PRKCA: variants seen among roughly 807,000 people sequenced by gnomAD.
PRKCA encodes the protein protein kinase C alpha type.
PRKCA carries 27 observed loss-of-function variants against 87.0 expected under a neutral mutation model. The ratio of observed to expected loss-of-function variants is 0.31; its 90% CI spans 0.23 to 0.43. The LOEUF (loss-of-function observed/expected upper bound fraction) is 0.43, where lower values mean the gene tolerates loss of function less well. Among genes scored for constraint, PRKCA ranks in the 20% least tolerant of loss-of-function variants. The pLI is 1.00. For missense variants in PRKCA, 518 were observed against 852.3 expected (o/e 0.61, Z 4.88); for synonymous variants, 329 against 311.1 (o/e 1.06, Z -0.61).
chr17:66,650,980 G>C (rs1380333225), intron 5 of PRKCA, among the ~76,000 whole-genome samples: 1 of 152,164 alleles, frequency 6.6e-6, no homozygotes, highest in African/African-American at 2.4e-5. Flanking sequence ...TGTGGTCTTT[G>C]GGGGAGAATT....
chr17:66,354,558 A>G (rs1283346263), intron 2 of PRKCA, among the ~76,000 whole-genome samples: 1 of 152,182 alleles, frequency 6.6e-6, no homozygotes, highest in East Asian at 1.9e-4. Flanking sequence ...GTTGCCGTCT[A>G]AGGTCCTGGA....
Position 66,379,311 on chromosome 17 carries a change from A to T in PRKCA, c.205+73184A>T, listed in dbSNP as rs73324194. Among the ~76,000 whole-genome samples the T allele has an allele frequency of 2.8e-3, 420 of 152,306 alleles. 4 individuals are homozygous for T. Among genetic ancestry groups the T allele is most frequent in the African/African-American group, 9.5e-3 (396 of 41,554 alleles). On this transcript the variant is annotated intron_variant, in intron 2 of 16. Transcript: ENST00000413366. ...TTCATGTTTCTCCACATCTTCACCA[A>T]CATTTATTGTTCATCCTTTTTATTT...
chr17:66,390,459 T>A (rs1423127319), intron 2 of PRKCA, among the ~76,000 whole-genome samples: 1 of 152,208 alleles, frequency 6.6e-6, no homozygotes, highest in Non-Finnish European at 1.5e-5. Context: ...TTTTGTTTTT[T>A]AAGAAACACT....
intron 2 of PRKCA, among the ~76,000 whole-genome samples, chr17:66,452,125 A>G (rs4082896): frequency 0.47 from 71,483 of 152,078 alleles, 17,887 homozygotes; most frequent in African/African-American, 0.64. Context: ...GCGAACCAAG[A>G]CATCAGGTGA....
intron 5 of PRKCA, 143 bp from the exon 6 acceptor site, chr17:66,686,968 T>A: frequency 1.4e-6 from 1 of 708,026 alleles, no homozygotes. Context: ...TCATGTCGAG[T>A]GTTAGAGGCT....
Position 66,795,565 on chromosome 17 carries a change from T to G in PRKCA, c.1854+6586T>G, listed in dbSNP as rs771438566. 2.0e-5 allele frequency among the ~76,000 whole-genome samples: 3 copies of G among 152,222 alleles called. 1 individual carries two copies. The highest frequency in any genetic ancestry group is 4.4e-5 in the Non-Finnish European group (3 of 68,048). On this transcript the variant is annotated intron_variant, in intron 16 of 16. Transcript: ENST00000413366. The stretch of plus-strand genomic sequence containing the variant: ...ATTACTCTCTCAAATACTTTTCTGC[T>G]TAGCAGAGAAATTGGAAGAAATGAG...
chr17:66,743,851 C>A (rs148702008), intron 13 of PRKCA, among the ~76,000 whole-genome samples: 1 of 152,234 alleles, frequency 6.6e-6, no homozygotes, highest in Non-Finnish European at 1.5e-5. Flanking sequence ...AAAAAGGCAC[C>A]CACAAGCTCA....
At chr17:66,791,147 C>A (rs373959759) in intron 16 of PRKCA, among the ~76,000 whole-genome samples, 1 of 139,330 alleles carries the variant, frequency 7.2e-6, no homozygotes, top group African/African-American at 2.7e-5. Context: ...GTCCCTCCCC[C>A]CTCCCTTTTG....
chr17:66,773,727 C>T (rs946951243), intron 13 of PRKCA, among the ~76,000 whole-genome samples: 1 of 152,074 alleles, frequency 6.6e-6, no homozygotes, highest in Non-Finnish European at 1.5e-5. Context: ...TTAAAACTAC[C>T]TTCAGACAGT....
chr17:66,596,495 G>A (rs1012387508), intron 3 of PRKCA, among the ~76,000 whole-genome samples: 1 of 150,836 alleles, frequency 6.6e-6, no homozygotes, highest in Non-Finnish European at 1.5e-5. Context: ...CTTCTTCAGT[G>A]CATGATGGAA....
At chr17:66,701,064 A>G (rs1973049252) in intron 8 of PRKCA, among the ~76,000 whole-genome samples, 1 of 152,182 alleles carries the variant, frequency 6.6e-6, no homozygotes, top group Non-Finnish European at 1.5e-5. Context: ...ATCTATAATA[A>G]TCAACACAGT....
chr17:66,618,693 G>A (rs903078400), intron 3 of PRKCA, among the ~76,000 whole-genome samples: 1 of 152,160 alleles, frequency 6.6e-6, no homozygotes, highest in Non-Finnish European at 1.5e-5. Flanking sequence ...TTAATAAAAG[G>A]CTGTGTGACT....
At chr17:66,801,135 GGCTGCTCCT>G (rs760232459) in intron 16 of PRKCA, among the ~76,000 whole-genome samples, 1 of 152,128 alleles carries the variant, frequency 6.6e-6, no homozygotes, top group Non-Finnish European at 1.5e-5. Flanking sequence ...TCTCACATAC[GGCTGCTCCT>G]GCCTGATTCC....
Position 66,803,864 on chromosome 17 carries a change from T to G in PRKCA, c.1855-9T>G, listed in dbSNP as rs375186674. The G allele has an allele frequency of 1.3e-5, 21 of 1,612,988 alleles. No individual in the cohort carries two copies. In the East Asian group the frequency reaches 4.0e-4, roughly 31 times the overall value. On this transcript the variant is annotated splice_polypyrimidine_tract_variant and intron_variant, in intron 16 of 16. Transcript: ENST00000413366. The surrounding 1 kb of genome is among the most constrained non-coding windows in gnomAD (Gnocchi z 4.4). ...CTGACCTTTCCTTCTTTTTGTCTTT[T>G]CTCCACAGTGTGGCAAAGGAGCAGA...
intron 5 of PRKCA, among the ~76,000 whole-genome samples, chr17:66,671,338 A>T (rs1464799826): frequency 6.6e-6 from 1 of 151,952 alleles, no homozygotes; most frequent in African/African-American, 2.4e-5. Context: ...ATGTACTGGA[A>T]TGGGGCTGCC....
chr17:66,473,397 G>A lies in PRKCA; in HGVS notation c.206-22804G>A, dbSNP rs766420318. ...CCATCTCTTCCTTTCAGCTGGAGCC[G>A]CTGTGCCCATTTCAGACTCTGCCTT... On this transcript the variant is annotated intron_variant, in intron 2 of 16. Transcript: ENST00000413366. Among the ~76,000 whole-genome samples, 334 of 152,218 alleles carry A rather than the reference G, an allele frequency of 2.2e-3. 2 individuals carry two copies. The highest frequency in any genetic ancestry group is 1.7e-3 in the Non-Finnish European group (116 of 67,998).
intron 16 of PRKCA, among the ~76,000 whole-genome samples, chr17:66,797,544 G>A (rs11656099): frequency 0.43 from 65,575 of 152,010 alleles, 17,679 homozygotes; most frequent in African/African-American, 0.75. Flanking sequence ...CTGCCTCCTC[G>A]CTGAGGAAGG....
chr17:66,360,444 C>T (rs117110859), intron 2 of PRKCA, among the ~76,000 whole-genome samples: 17 of 152,274 alleles, frequency 1.1e-4, no homozygotes, highest in African/African-American at 3.1e-4. Context: ...TATTCTCTGA[C>T]GAGTGTTTAG....
At chr17:66,798,259 A>G (rs1598952672) in intron 16 of PRKCA, among the ~76,000 whole-genome samples, 2 of 152,356 alleles carry the variant, frequency 1.3e-5, no homozygotes, top group East Asian at 1.9e-4. Context: ...GTAAGGTTAG[A>G]TCATTGATAG....
Sources: allele counts gnomAD v4.1 joint callset (sites outside exome capture counted in the v4.1 genomes callset), GRCh38; gene constraint gnomAD v4.1.1; non-coding constraint Gnocchi (gnomAD v3.1); transcripts MANE v1.5; gene names NCBI Gene and HGNC (gene_info 2026-07-23, HGNC 2026-07-21).